The following ARRDC5 variants were observed in gnomAD, a reference collection of about 807,000 sequenced individuals.
ARRDC5 encodes the protein arrestin domain containing 5, also known as arrestin domain-containing protein 5.
In ARRDC5, 12 loss-of-function variants were observed where a neutral mutation model predicts 13.3. The ratio of observed to expected loss-of-function variants is 0.90; its 90% CI spans 0.58 to 1.46. ARRDC5 has a LOEUF of 1.46. ARRDC5 is among the 40% of genes most tolerant of loss of function. The pLI is 0.00. For synonymous variants in ARRDC5, 181 were observed against 173.4 expected (o/e 1.04, Z -0.34); for missense variants, 406 against 418.7 (o/e 0.97, Z 0.26).
the ARRDC5 span, among the ~76,000 whole-genome samples, chr19:4,915,517 C>A: frequency 6.6e-6 from 1 of 152,056 alleles, no homozygotes; most frequent in Non-Finnish European, 1.5e-5. Context: ...AGTTCTAGAA[C>A]AGCGTGCCAA....
At chr19:4,897,717 A>G (rs1486549237) in intron 1 of ARRDC5, among the ~76,000 whole-genome samples, 1 of 152,090 alleles carries the variant, frequency 6.6e-6, no homozygotes, top group African/African-American at 2.4e-5. Context: ...GGGTCTTGCT[A>G]TGTTTCCCAG....
At chr19:4,911,791 T>C in the ARRDC5 span, among the ~76,000 whole-genome samples, 2 of 151,938 alleles carry the variant, frequency 1.3e-5, no homozygotes, top group Non-Finnish European at 2.9e-5. Context: ...CTACTGGGAG[T>C]GGGGTTTCCC....
At chr19:4,903,211 A>G, upstream of ARRDC5, 1 of 236,224 alleles carries the variant, frequency 4.2e-6, no homozygotes. Flanking sequence ...GTAGAGACAG[A>G]GTTTCACTGT....
rs867705310 is a variant in ARRDC5 at position 4,893,167 on chromosome 19, T to C, written c.460-1594A>G. Among the ~76,000 whole-genome samples, 5 of 141,018 alleles carry C rather than the reference T, an allele frequency of 3.5e-5. No homozygotes were observed. The South Asian group carries it at 1.1e-3, about 30-fold the overall frequency. 92.5% of individuals were successfully genotyped at this position (141,018 alleles called of 152,430 possible). ...TATTATTAGAATATATATAATATATTATTATATATAATATATTATAATAAT... is the reference window on the plus strand; with the variant it reads ...TATTATTAGAATATATATAATATATCATTATATATAATATATTATAATAAT... On this transcript the variant is annotated intron_variant, in intron 2 of 2. Transcript: ENST00000650722.
At chr19:4,893,448 G>A (rs1054766861) in intron 2 of ARRDC5, among the ~76,000 whole-genome samples, 13 of 149,962 alleles carry the variant, frequency 8.7e-5, no homozygotes, top group Non-Finnish European at 1.3e-4. Context: ...TGAGGTTGCA[G>A]TGAGGCTGAG....
chr19:4,897,824 C>T (rs8105604), intron 1 of ARRDC5, among the ~76,000 whole-genome samples: 12,732 of 152,296 alleles, frequency 0.084, 637 homozygotes, highest in Admixed American at 0.18. Flanking sequence ...CAGTGGCTCA[C>T]GCCTGCAATC....
chr19:4,903,019 C>CTCACTGGTTCTTTT (rs144459964), upstream of ARRDC5: 132,283 of 429,222 alleles, frequency 0.31, 9,751 homozygotes, highest in Middle Eastern at 0.4. Context: ...ACCTGTAGTC[C>CTCACTGGTTCTTTT]TCACTGGTTC....
At chr19:4,896,154 A>C (rs2031701200) in intron 2 of ARRDC5, among the ~76,000 whole-genome samples, 1 of 151,760 alleles carries the variant, frequency 6.6e-6, no homozygotes, top group Non-Finnish European at 1.5e-5. Flanking sequence ...GTCTCTACTA[A>C]AAATACAAAA....
intron 2 of ARRDC5, among the ~76,000 whole-genome samples, chr19:4,893,670 T>C (rs1225636590): frequency 8.0e-6 from 1 of 125,226 alleles, no homozygotes; most frequent in Non-Finnish European, 1.6e-5. Flanking sequence ...GGGGGGAGGA[T>C]CACTGGAGCC....
At position 4,891,257 on chromosome 19, in the gene ARRDC5, A is replaced by T; in HGVS notation, c.776T>A (p.Leu259Gln). The T allele has an allele frequency of 6.2e-7, 1 of 1,613,886 alleles. No individual in the cohort carries two copies. Among genetic ancestry groups the T allele is most frequent in the Non-Finnish European group, 8.5e-7 (1 of 1,179,876 alleles). Reference sequence around the variant, plus strand: ...GCTGCTCACGGACAGCAGCAACGGCAGGTTGAAGGTGCTGACAACCTTGGT... The same window carrying T: ...GCTGCTCACGGACAGCAGCAACGGCTGGTTGAAGGTGCTGACAACCTTGGT... ...NTTKVVSTFN[L>Q]PLLLSVSSST... The change falls in exon 3 of 3, where the codon CTG (leucine) becomes CAG (glutamine). Residue 259 changes from leucine to glutamine, a missense_variant. Physicochemically the swap from Leu to Gln is moderately radical, Grantham distance 113. Coordinates refer to ENST00000650722, the MANE Select transcript of ARRDC5 (RefSeq NM_001080523.3).
At chr19:4,902,947 G>A (rs2146261644), upstream of ARRDC5, 3 of 1,502,504 alleles carry the variant, frequency 2.0e-6, no homozygotes, top group Non-Finnish European at 2.7e-6. Flanking sequence ...CCGGGAAGTG[G>A]GGACCCCAGT....
intron 1 of ARRDC5, among the ~76,000 whole-genome samples, chr19:4,898,665 C>CTTTTTTTTTTTTTTTTT (rs71170878): frequency 3.8e-5 from 5 of 130,582 alleles, no homozygotes; most frequent in Non-Finnish European, 4.9e-5. Context: ...CGGGCTTGGC[C>CTTTTTTTTTTTTTTTTT]TTTTTTTTTT....
intron 1 of ARRDC5, among the ~76,000 whole-genome samples, chr19:4,898,550 T>C (rs2031807442): frequency 1.3e-5 from 2 of 151,968 alleles, no homozygotes; most frequent in South Asian, 2.1e-4. Flanking sequence ...TTAGTAGAGA[T>C]GGGGTTTCAC....
chr19:4,905,273 T>C (rs552846131), upstream of ARRDC5, among the ~76,000 whole-genome samples: 18 of 147,026 alleles, frequency 1.2e-4, no homozygotes, highest in Non-Finnish European at 2.4e-4. Context: ...TGTGCCACCA[T>C]GCCCGGCTAA....
At chr19:4,907,685 C>T (rs2146268055), upstream of ARRDC5, among the ~76,000 whole-genome samples, 1 of 146,828 alleles carries the variant, frequency 6.8e-6, no homozygotes, top group South Asian at 2.2e-4. Context: ...TGCCCATCTT[C>T]CTTGCCTCTT....
chr19:4,912,152 C>T, the ARRDC5 span, among the ~76,000 whole-genome samples: 1 of 152,252 alleles, frequency 6.6e-6, no homozygotes, highest in African/African-American at 2.4e-5. Context: ...TCTGAGTTAA[C>T]CCGCCCTGCC....
chr19:4,901,609 G>A (rs1311007628), intron 1 of ARRDC5, among the ~76,000 whole-genome samples: 1 of 152,036 alleles, frequency 6.6e-6, no homozygotes, highest in Non-Finnish European at 1.5e-5. Flanking sequence ...GCGAGACTGT[G>A]TCTCAAAAAA....
chr19:4,896,564 C>A (rs2031741288), intron 2 of ARRDC5, 107 bp downstream of exon 2: 2 of 819,954 alleles, frequency 2.4e-6, no homozygotes, highest in Non-Finnish European at 4.0e-6. Flanking sequence ...TGCCAACACC[C>A]TTCCCTTCTC....
At chr19:4,916,602 C>T in the ARRDC5 span, among the ~76,000 whole-genome samples, 3 of 152,202 alleles carry the variant, frequency 2.0e-5, no homozygotes, top group East Asian at 1.9e-4. Flanking sequence ...GCCCTCCACC[C>T]GTCCTGTGTG....
Sources: gnomAD v4.1 joint callset for allele counts (sites outside exome capture counted in the v4.1 genomes callset) on GRCh38, gnomAD v4.1.1 for gene constraint, MANE v1.5 for transcripts, NCBI Gene and HGNC (gene_info 2026-07-23, HGNC 2026-07-21) for gene names.